Variants in PLD1 observed in about 807,000 individuals in gnomAD.
PLD1 encodes phospholipase D1, also known as choline phosphatase 1.
In PLD1, 112 loss-of-function variants were observed where a neutral mutation model predicts 137.1. The ratio of observed to expected loss-of-function variants is 0.82; its 90% CI spans 0.70 to 0.96. The LOEUF is 0.96. PLD1 is among the 40% of genes least tolerant of loss of function. The pLI, the probability that PLD1 is intolerant of heterozygous loss-of-function variation, is 0.00. For missense variants in PLD1, 1,321 were observed against 1,342.0 expected (o/e 0.98, Z 0.24); for synonymous variants, 431 against 454.7 (o/e 0.95, Z 0.66).
intron 12 of PLD1, among the ~76,000 whole-genome samples, chr3:171,694,867 A>G (rs573296997): frequency 6.6e-6 from 1 of 152,304 alleles, no homozygotes; most frequent in East Asian, 1.9e-4. Context: ...CATTTCTTCT[A>G]TACTGTCTTT....
chr3:171,735,671 G>T, intron 3 of PLD1, 34 bp from the exon 4 acceptor site: 1 of 1,286,322 alleles, frequency 7.8e-7, no homozygotes. Context: ...TGATATTTTA[G>T]ATAACAACAA....
chr3:171,732,624 C>A (rs982900082), intron 6 of PLD1, among the ~76,000 whole-genome samples: 1 of 152,168 alleles, frequency 6.6e-6, no homozygotes, highest in Non-Finnish European at 1.5e-5. Context: ...TCTAAACTAG[C>A]GGACAAATCA....
chr3:171,757,924 G>GAAAT (rs1560282219), intron 1 of PLD1, among the ~76,000 whole-genome samples: 1 of 152,186 alleles, frequency 6.6e-6, no homozygotes, highest in African/African-American at 2.4e-5. Context: ...CCCAATATAA[G>GAAAT]AAATAGCCAA....
chr3:171,764,287 T>G lies in PLD1; in HGVS notation c.-31-26205A>C, dbSNP rs566585033. Among the ~76,000 whole-genome samples, 30 of 152,348 alleles carry G rather than the reference T, an allele frequency of 2.0e-4. No individual in the cohort carries two copies. The South Asian group carries it at 6.2e-3, about 32-fold the overall frequency. ...CTGCGCCTGGTCTACAGTTTATTTT[T>G]GATGACACATAAGAATCACTAATAT... On this transcript the variant is annotated intron_variant, in intron 1 of 26. Coordinates refer to ENST00000351298, the MANE Select transcript of PLD1 (RefSeq NM_002662.5).
At chr3:171,720,598 T>G (rs9880430) in intron 8 of PLD1, among the ~76,000 whole-genome samples, 1 of 150,828 alleles carries the variant, frequency 6.6e-6, no homozygotes, top group Admixed American at 6.6e-5. Flanking sequence ...AAAAAAAAAG[T>G]CTTCCACTGT....
At chr3:171,751,510 T>A (rs1720655464) in intron 1 of PLD1, among the ~76,000 whole-genome samples, 1 of 152,152 alleles carries the variant, frequency 6.6e-6, no homozygotes, top group African/African-American at 2.4e-5. Context: ...AGGTAACCCA[T>A]AGGAGATCAA....
intron 1 of PLD1, among the ~76,000 whole-genome samples, chr3:171,807,133 G>A (rs772720795): frequency 1.3e-5 from 2 of 152,138 alleles, no homozygotes; most frequent in African/African-American, 4.8e-5. Context: ...ACAGTGAGAC[G>A]CCATCTTTAT....
At chr3:171,764,883 GAAA>G (rs1258141076) in intron 1 of PLD1, among the ~76,000 whole-genome samples, 2,101 of 25,134 alleles carry the variant, frequency 0.084, 294 homozygotes, top group Admixed American at 0.11. Context: ...AAGAAAGAAA[GAAA>G]GAAAGAAAGG....
At chr3:171,699,335 C>T (rs1716042448) in intron 12 of PLD1, among the ~76,000 whole-genome samples, 1 of 152,146 alleles carries the variant, frequency 6.6e-6, no homozygotes, top group Admixed American at 6.5e-5. Flanking sequence ...TATTCTACAC[C>T]ACATTAGCCC....
intron 8 of PLD1, among the ~76,000 whole-genome samples, chr3:171,724,405 G>A (rs867326278): frequency 1.3e-5 from 2 of 148,858 alleles, no homozygotes; most frequent in South Asian, 2.1e-4. Flanking sequence ...GACTAATAAC[G>A]TTGAGCATCT....
At chr3:171,628,325 T>C (rs902206662) in intron 23 of PLD1, among the ~76,000 whole-genome samples, 19 of 152,138 alleles carry the variant, frequency 1.2e-4, no homozygotes, top group Non-Finnish European at 7.3e-5. Context: ...AAGTTGAATC[T>C]CTGAACAGAC....
At chr3:171,758,073 T>A (rs141933451) in intron 1 of PLD1, among the ~76,000 whole-genome samples, 2 of 152,360 alleles carry the variant, frequency 1.3e-5, no homozygotes, top group African/African-American at 4.8e-5. Flanking sequence ...ATCTCTACCT[T>A]AACATGCCAG....
At chr3:171,638,281 A>G (rs1403468614) in intron 23 of PLD1, among the ~76,000 whole-genome samples, 1 of 152,126 alleles carries the variant, frequency 6.6e-6, no homozygotes, top group African/African-American at 2.4e-5. Flanking sequence ...GTGAAGGTCT[A>G]AACTATTACT....
chr3:171,623,874 A>T (rs751172609), intron 23 of PLD1, among the ~76,000 whole-genome samples: 2 of 152,166 alleles, frequency 1.3e-5, no homozygotes, highest in African/African-American at 2.4e-5. Context: ...TTTAACAAGA[A>T]TAAACTCCAA....
intron 11 of PLD1, among the ~76,000 whole-genome samples, chr3:171,708,476 T>A (rs1159499701): frequency 6.6e-6 from 1 of 152,252 alleles, no homozygotes; most frequent in African/African-American, 2.4e-5. Context: ...GTACTTGCAT[T>A]ACAGTATAAT....
chr3:171,785,559 C>T (rs1460327533), intron 1 of PLD1, among the ~76,000 whole-genome samples: 1 of 152,058 alleles, frequency 6.6e-6, no homozygotes, highest in African/African-American at 2.4e-5. Context: ...CTCCCTCAGC[C>T]TCCCGAGTAG....
chr3:171,785,648 A>C (rs1334136285), intron 1 of PLD1, among the ~76,000 whole-genome samples: 1 of 152,152 alleles, frequency 6.6e-6, no homozygotes, highest in Admixed American at 6.5e-5. Flanking sequence ...CATGTTGTTC[A>C]AGCTGGTCTT....
At chr3:171,736,338 G>T (rs972592765) in intron 3 of PLD1, among the ~76,000 whole-genome samples, 4 of 152,146 alleles carry the variant, frequency 2.6e-5, no homozygotes, top group Non-Finnish European at 5.9e-5. Flanking sequence ...GAACAGAGAG[G>T]TTAAGTCACT....
intron 13 of PLD1, among the ~76,000 whole-genome samples, chr3:171,690,809 T>C (rs1162470786): frequency 6.6e-6 from 1 of 152,214 alleles, no homozygotes; most frequent in Non-Finnish European, 1.5e-5. Flanking sequence ...CCTGCTGTTG[T>C]TGGGTAGAAT....
Sources: gnomAD v4.1 joint callset for allele counts (sites outside exome capture counted in the v4.1 genomes callset) on GRCh38, gnomAD v4.1.1 for gene constraint, MANE v1.5 for transcripts, NCBI Gene and HGNC (gene_info 2026-07-23, HGNC 2026-07-21) for gene names.